The following SYNJ1 variants were observed in gnomAD, a reference collection of about 807,000 sequenced individuals.
SYNJ1 encodes the protein polyphosphatidylinositol phosphatase SYNJ1.
Under a neutral mutation model 168.2 loss-of-function variants are expected in SYNJ1, and 78 were observed. That is an observed-to-expected ratio of 0.46 (90% CI 0.39 to 0.56). The LOEUF (loss-of-function observed/expected upper bound fraction) is 0.56, where lower values mean the gene tolerates loss of function less well. Ranked by LOEUF, SYNJ1 falls within the 20% of genes least tolerant of loss-of-function variation. The probability of loss-of-function intolerance (pLI) is 0.00; values close to 1 mark genes in which losing one functional copy is unlikely to be tolerated. For synonymous variants in SYNJ1, 539 were observed against 548.6 expected (o/e 0.98, Z 0.24); for missense variants, 1,303 against 1,597.6 (o/e 0.82, Z 3.14).
At chr21:32,662,167 G>A (rs1441075098) in intron 18 of SYNJ1, among the ~76,000 whole-genome samples, 1 of 152,192 alleles carries the variant, frequency 6.6e-6, no homozygotes, top group Non-Finnish European at 1.5e-5. Flanking sequence ...GTGACTCTGA[G>A]GAGGATGACA....
chr21:32,682,761 T>A (rs965724330), intron 10 of SYNJ1, among the ~76,000 whole-genome samples: 2 of 152,146 alleles, frequency 1.3e-5, no homozygotes, highest in Non-Finnish European at 2.9e-5. Context: ...TCCTGAAAAC[T>A]AACATCTGTT....
intron 26 of SYNJ1, among the ~76,000 whole-genome samples, chr21:32,643,697 T>C (rs1250808417): frequency 6.6e-6 from 1 of 152,220 alleles, no homozygotes; most frequent in African/African-American, 2.4e-5. Flanking sequence ...TCTTTTTATG[T>C]ATGCAATTAC....
chr21:32,638,423 A>G (rs1480920853), intron 31 of SYNJ1, among the ~76,000 whole-genome samples: 1 of 152,124 alleles, frequency 6.6e-6, no homozygotes, highest in African/African-American at 2.4e-5. Flanking sequence ...TAGGCTGGGC[A>G]TGGTGGCTCA....
intron 1 of SYNJ1, among the ~76,000 whole-genome samples, chr21:32,727,177 T>C (rs1245549193): frequency 1.3e-5 from 2 of 152,202 alleles, no homozygotes; most frequent in Non-Finnish European, 2.9e-5. Context: ...AACGGTCTGG[T>C]TGAGTTTCCC....
At position 32,630,885 on chromosome 21, in the gene SYNJ1, GA is replaced by G. The variant is rs772526990; in HGVS notation, c.*919del. The stretch of plus-strand genomic sequence containing the variant: ...ACATCAAATAGTGGTGTTTTGTGAA[GA>G]TATCAGTGCACTTACAATGACTTAT... On this transcript the variant is annotated 3_prime_UTR_variant, in exon 33 of 33. Transcript: ENST00000674351. 1.9e-5 allele frequency: 20 copies of G among 1,036,990 alleles called. No homozygotes were observed. In the East Asian group the frequency reaches 4.4e-4, roughly 23 times the overall value. 64.2% of individuals were successfully genotyped at this position (1,036,990 alleles called of 1,614,324 possible). A position where few individuals can be genotyped will look rare whatever the true frequency, so the allele number is the denominator to read the frequency against.
rs559637270 is a variant in SYNJ1 at position 32,724,104 on chromosome 21, TAA to T, written c.124+2666_124+2667del. Among the ~76,000 whole-genome samples, 102 of 151,164 alleles carry T rather than the reference TAA, an allele frequency of 6.7e-4. 1 individual carries two copies. The highest frequency in any genetic ancestry group is 2.3e-3 in the African/African-American group (95 of 41,130). On this transcript the variant is annotated intron_variant, in intron 2 of 32. Coordinates refer to ENST00000674351, the MANE Select transcript of SYNJ1 (RefSeq NM_203446.3). ...GCACTGAGGAAACACCAGATCTCCT[TAA>T]AGGAGATCAACACTGGACAAATGAC...
chr21:32,656,830 T>G lies in SYNJ1; in HGVS notation c.2652A>C (p.Glu884Asp), dbSNP rs1370869115. 1.2e-6 allele frequency: 2 copies of G among 1,614,206 alleles called. No homozygotes were observed. Among genetic ancestry groups the G allele is most frequent in the South Asian group, 2.2e-5 (2 of 91,082 alleles). ...CTGGTGGACCCTGAACTGCAATTACTTCTTTATAAATGTTTTGCCTCTCTT... is the reference window on the plus strand; with the variant it reads ...CTGGTGGACCCTGAACTGCAATTACGTCTTTATAAATGTTTTGCCTCTCTT... Reference protein sequence around the residue: ...EAEERQNIYKEVIAVQGPPDG... With the variant: ...EAEERQNIYKDVIAVQGPPDG... The change falls in exon 21 of 33, where the codon GAA becomes GAC. Residue 884 changes from glutamate to aspartate, a missense_variant. Glu to Asp is a conservative substitution (Grantham distance 45). Transcript: ENST00000674351.
chr21:32,685,205 A>T (rs953505809), intron 9 of SYNJ1, among the ~76,000 whole-genome samples: 1 of 150,994 alleles, frequency 6.6e-6, no homozygotes, highest in Non-Finnish European at 1.5e-5. Flanking sequence ...AAAAAGACTT[A>T]AGTACACTGC....
intron 23 of SYNJ1, among the ~76,000 whole-genome samples, chr21:32,648,481 C>T (rs114650491): frequency 2.0e-4 from 31 of 152,338 alleles, no homozygotes; most frequent in African/African-American, 7.5e-4. Flanking sequence ...TGTTACAAGA[C>T]ACCACTGACT....
chr21:32,666,610 G>C (rs1698981854), intron 15 of SYNJ1, 37 bp from the exon 16 acceptor site: 1 of 1,589,208 alleles, frequency 6.3e-7, no homozygotes, highest in Non-Finnish European at 8.6e-7. Context: ...TTTTTAAAAA[G>C]GTATTGACAA....
At chr21:32,724,840 G>C (rs970940940) in intron 2 of SYNJ1, among the ~76,000 whole-genome samples, 2 of 152,168 alleles carry the variant, frequency 1.3e-5, no homozygotes, top group African/African-American at 2.4e-5. Flanking sequence ...CAAGAGATTA[G>C]ACATCCATTT....
chr21:32,727,769 A>C, intron 1 of SYNJ1, 177 bp downstream of exon 1: 1 of 1,327,932 alleles, frequency 7.5e-7, no homozygotes. Flanking sequence ...GGCACCCCGC[A>C]CAACCAGTGG....
intron 2 of SYNJ1, among the ~76,000 whole-genome samples, chr21:32,706,308 T>TG (rs1376057921): frequency 2.0e-5 from 3 of 152,140 alleles, no homozygotes; most frequent in Non-Finnish European, 4.4e-5. Context: ...AAGACATTGT[T>TG]GGGGCAATTG....
rs147800491 is a variant in SYNJ1, at chr21:32,682,061, G to A, written c.1201-413C>T. On this transcript the variant is annotated intron_variant, in intron 10 of 32. Transcript: ENST00000674351. ...GGCTTTATAAGTTTAAGTAATTAAG[G>A]TAAAAAAAATGAAAAAAAGGAGTTG... Among the ~76,000 whole-genome samples, 235 of 151,846 alleles carry A rather than the reference G, an allele frequency of 1.5e-3. 6 individuals are homozygous for A. In the East Asian group the frequency reaches 0.041, roughly 27 times the overall value.
At chr21:32,704,769 A>G (rs1300439237) in intron 2 of SYNJ1, among the ~76,000 whole-genome samples, 1 of 152,200 alleles carries the variant, frequency 6.6e-6, no homozygotes, top group African/African-American at 2.4e-5. Context: ...GGTATGATCA[A>G]GGATAATGAG....
intron 19 of SYNJ1, 42 bp from the exon 20 acceptor site, chr21:32,657,162 G>C: frequency 3.0e-6 from 4 of 1,348,504 alleles, no homozygotes; most frequent in Non-Finnish European, 4.3e-6. Flanking sequence ...AGCTGTATAA[G>C]CAGGACAGAT....
intron 9 of SYNJ1, among the ~76,000 whole-genome samples, chr21:32,685,006 C>T (rs1015158726): frequency 2.0e-5 from 3 of 151,270 alleles, no homozygotes; most frequent in African/African-American, 4.9e-5. Flanking sequence ...GGTGAAACCC[C>T]GTCTCTACTA....
In SYNJ1 at chr21:32,630,929, T is replaced by A. The variant is rs549910315; in HGVS notation, c.*876A>T. ...TGACTTATTGCACATAATGAAATAC[T>A]AATGCCCAATTCTCTTAGCTCTATC... On this transcript the variant is annotated 3_prime_UTR_variant, in exon 33 of 33. Coordinates refer to ENST00000674351, the MANE Select transcript of SYNJ1 (RefSeq NM_203446.3). 3.9e-4 allele frequency: 571 copies of A among 1,449,440 alleles called. No homozygotes were observed. Among genetic ancestry groups the A allele is most frequent in the Non-Finnish European group, 4.7e-4 (504 of 1,073,546 alleles). The allele number at this position is 1,449,440 out of a possible 1,614,324, so 89.8% of individuals were successfully genotyped here.
chr21:32,697,673 C>T (rs183581259), intron 4 of SYNJ1, among the ~76,000 whole-genome samples: 26 of 152,292 alleles, frequency 1.7e-4, no homozygotes, highest in African/African-American at 5.1e-4. Flanking sequence ...TGGTGGCGCA[C>T]GCCTGTGGTC....
Sources: gnomAD v4.1 joint callset for allele counts (sites outside exome capture counted in the v4.1 genomes callset) on GRCh38, gnomAD v4.1.1 for gene constraint, MANE v1.5 for transcripts, NCBI Gene and HGNC (gene_info 2026-07-23, HGNC 2026-07-21) for gene names.